SLMAP: variants seen among roughly 807,000 people sequenced by gnomAD.
The protein encoded by SLMAP is sarcolemmal membrane-associated protein.
Under a neutral mutation model 128.8 loss-of-function variants are expected in SLMAP, and 44 were observed. That is an observed-to-expected ratio of 0.34 (90% CI 0.27 to 0.44). SLMAP has a LOEUF of 0.44. Among genes scored for constraint, SLMAP ranks in the 20% least tolerant of loss-of-function variants. The pLI is 1.00. For synonymous variants in SLMAP, 327 were observed against 348.8 expected, an observed-to-expected ratio of 0.94 and a Z score of 0.70; for missense variants, 787 against 985.3, an observed-to-expected ratio of 0.80 and a Z score of 2.69.
At chr3:57,845,047 G>A (rs2094177030) in intron 4 of SLMAP, among the ~76,000 whole-genome samples, 1 of 152,026 alleles carries the variant, frequency 6.6e-6, no homozygotes, top group Non-Finnish European at 1.5e-5. Context: ...CTGAGTGCTG[G>A]TATTGAGTAA....
chr3:57,868,976 A>G (rs2153612385), intron 13 of SLMAP, among the ~76,000 whole-genome samples: 1 of 138,740 alleles, frequency 7.2e-6, no homozygotes, highest in Non-Finnish European at 1.5e-5. Flanking sequence ...TGTATTATAT[A>G]TAATATATAT....
intron 2 of SLMAP, among the ~76,000 whole-genome samples, chr3:57,778,961 ATT>A (rs1168593035): frequency 3.9e-5 from 6 of 151,966 alleles, no homozygotes; most frequent in Non-Finnish European, 8.8e-5. Flanking sequence ...ACTCTAGGAA[ATT>A]TTTTTTATAT....
Position 57,864,577 on chromosome 3 carries a change from A to G in SLMAP, c.996A>G (p.Gln332=). The stretch of plus-strand genomic sequence containing the variant: ...CAGAGGGAAAACAAGAGGAAATCCA[A>G]CAGAAGGGACAGGCTGAGAAAAAAG... ...KVAEGKQEEI[Q]QKGQAEKKEL... is the part of the protein sequence containing the mutation. Residue 332 remains glutamine, a synonymous_variant, in exon 11 of 25, where the codon CAA becomes CAG. Transcript: ENST00000671191. 8 of 1,577,892 alleles carry G rather than the reference A, an allele frequency of 5.1e-6. No homozygotes were observed. Among genetic ancestry groups the G allele is most frequent in the Non-Finnish European group, 6.8e-6 (8 of 1,170,898 alleles).
chr3:57,883,019 G>C (rs2095789367), intron 14 of SLMAP, among the ~76,000 whole-genome samples: 1 of 152,070 alleles, frequency 6.6e-6, no homozygotes, highest in Non-Finnish European at 1.5e-5. Flanking sequence ...ACTTTCACCA[G>C]ACCCTAAATT....
intron 2 of SLMAP, among the ~76,000 whole-genome samples, chr3:57,821,386 T>C (rs1300202093): frequency 6.6e-6 from 1 of 152,154 alleles, no homozygotes; most frequent in Non-Finnish European, 1.5e-5. Flanking sequence ...TTCATTCTAG[T>C]TTACATGTGA....
chr3:57,924,842 G>C (rs1390779807), intron 23 of SLMAP, among the ~76,000 whole-genome samples: 1 of 151,988 alleles, frequency 6.6e-6, no homozygotes, highest in Non-Finnish European at 1.5e-5. Flanking sequence ...CCATTGCTGA[G>C]GGAGTACATT....
intron 10 of SLMAP, among the ~76,000 whole-genome samples, chr3:57,863,485 C>T (rs2095184495): frequency 6.6e-6 from 1 of 152,082 alleles, no homozygotes; most frequent in Non-Finnish European, 1.5e-5. Context: ...ATAGCTGAGC[C>T]TGGGTAATTT....
At chr3:57,864,298 T>G (rs1247823587) in intron 10 of SLMAP, among the ~76,000 whole-genome samples, 4 of 151,974 alleles carry the variant, frequency 2.6e-5, no homozygotes, top group African/African-American at 7.3e-5. Flanking sequence ...TCCCAGCTAC[T>G]TGGGAGGCTG....
rs1280785469 is a variant in SLMAP at position 57,840,021 on chromosome 3, A to G, written c.347-1278A>G. Among the ~76,000 whole-genome samples the G allele has an allele frequency of 5.9e-5, 9 of 152,000 alleles. No homozygotes were observed. The South Asian group carries it at 1.7e-3, about 28-fold the overall frequency. On this transcript the variant is annotated intron_variant, in intron 3 of 24. Coordinates refer to ENST00000671191, the MANE Select transcript of SLMAP (RefSeq NM_001377540.1). ...ATATTTTTAGTAGAGGGGTTTTGCC[A>G]TGTTGGCCAGTCTGGTCTCAAACTC...
At chr3:57,837,360 T>TTTTG (rs370895839) in intron 3 of SLMAP, among the ~76,000 whole-genome samples, 19 of 152,236 alleles carry the variant, frequency 1.2e-4, no homozygotes, top group Admixed American at 2.0e-4. Context: ...TTCATCTATC[T>TTTTG]TTTGTTTGTT....
intron 2 of SLMAP, among the ~76,000 whole-genome samples, chr3:57,773,788 ATT>A (rs1234964440): frequency 1.3e-5 from 2 of 151,992 alleles, no homozygotes; most frequent in African/African-American, 4.8e-5. Context: ...AATATAATTT[ATT>A]TTCTTTTATT....
Position 57,896,494 on chromosome 3 carries a change from TA to T in SLMAP, c.1361-16del. On this transcript the variant is annotated splice_polypyrimidine_tract_variant and intron_variant, in intron 15 of 24. Coordinates refer to ENST00000671191, the MANE Select transcript of SLMAP (RefSeq NM_001377540.1). ...TTTAACTGTAATAAGATTTTACTTT[TA>T]TTTTTTTCTTGGTAGAAAATCAGAC... The T allele has an allele frequency of 6.3e-7, 1 of 1,584,604 alleles. No individual in the cohort carries two copies. The highest frequency in any genetic ancestry group is 8.6e-7 in the Non-Finnish European group (1 of 1,167,778).
chr3:57,820,691 A>G (rs1243483869), intron 2 of SLMAP, among the ~76,000 whole-genome samples: 1 of 152,238 alleles, frequency 6.6e-6, no homozygotes, highest in African/African-American at 2.4e-5. Flanking sequence ...GCAAAGGGCA[A>G]TTCCAGGGAG....
Position 57,860,798 on chromosome 3 carries a change from C to G in SLMAP, c.787C>G (p.Gln263Glu), listed in dbSNP as rs765000724. 22 of 1,594,224 alleles carry G rather than the reference C, an allele frequency of 1.4e-5. No individual in the cohort carries two copies. The African/African-American group carries it at 3.0e-4, about 22-fold the overall frequency. The change falls in exon 9 of 25, where the codon CAG (glutamine) becomes GAG (glutamate). Residue 263 changes from glutamine to glutamate, a missense_variant. By Grantham distance (29) the Gln-to-Glu change is conservative (BLOSUM62 2). Coordinates refer to ENST00000671191, the MANE Select transcript of SLMAP (RefSeq NM_001377540.1). Reference sequence around the variant, plus strand: ...CAAAGAGTCCCTGAGGCGGGTTCTTCAGGAGAAAATTGAAGTGGTTAGAAA... The same window carrying G: ...CAAAGAGTCCCTGAGGCGGGTTCTTGAGGAGAAAATTGAAGTGGTTAGAAA... ...TAKESLRRVL[Q>E]EKIEVVRKLS...
At chr3:57,870,420 A>G (rs1208411295) in intron 13 of SLMAP, among the ~76,000 whole-genome samples, 1 of 151,982 alleles carries the variant, frequency 6.6e-6, no homozygotes, top group Admixed American at 6.6e-5. Context: ...TTGTATCACT[A>G]TATAGTATTC....
chr3:57,906,378 C>T (rs547030192), intron 17 of SLMAP, among the ~76,000 whole-genome samples: 178 of 133,964 alleles, frequency 1.3e-3, no homozygotes, highest in African/African-American at 4.6e-3. Flanking sequence ...TGCAGTGGCG[C>T]GATCTTGGCT....
chr3:57,808,053 G>T (rs111452312), intron 2 of SLMAP, among the ~76,000 whole-genome samples: 19,379 of 152,122 alleles, frequency 0.13, 1,347 homozygotes, highest in South Asian at 0.21. Flanking sequence ...CTAGATATTT[G>T]TATAGAGTTG....
At chr3:57,871,316 CTT>C (rs1232391209) in intron 13 of SLMAP, among the ~76,000 whole-genome samples, 17 of 152,060 alleles carry the variant, frequency 1.1e-4, no homozygotes, top group Admixed American at 1.0e-3. Context: ...TAATGACAAA[CTT>C]AAATTATTTA....
intron 6 of SLMAP, among the ~76,000 whole-genome samples, chr3:57,854,338 C>T (rs1022682239): frequency 5.3e-5 from 8 of 151,228 alleles, no homozygotes; most frequent in South Asian, 2.1e-4. Flanking sequence ...GGCTCTTGGC[C>T]TGTAATCCCA....
Sources: allele counts gnomAD v4.1 joint callset (sites outside exome capture counted in the v4.1 genomes callset), GRCh38; gene constraint gnomAD v4.1.1; transcripts MANE v1.5; gene names NCBI Gene and HGNC (gene_info 2026-07-23, HGNC 2026-07-21).